Variants in PRR5L observed in about 807,000 individuals in gnomAD.
The protein encoded by PRR5L is proline-rich protein 5-like.
A neutral mutation model predicts 36.4 loss-of-function variants in PRR5L; 21 were observed. That is an observed-to-expected ratio of 0.58 (90% CI 0.41 to 0.83). PRR5L has a LOEUF of 0.83. Among genes scored for constraint, PRR5L ranks in the 40% least tolerant of loss-of-function variants. The pLI is 0.00. For synonymous variants in PRR5L, 188 were observed against 197.0 expected, an observed-to-expected ratio of 0.95 and a Z score of 0.38; for missense variants, 381 against 473.3, an observed-to-expected ratio of 0.80 and a Z score of 1.81.
At chr11:36,324,027 A>T (rs1856637220) in intron 1 of PRR5L, among the ~76,000 whole-genome samples, 1 of 152,154 alleles carries the variant, frequency 6.6e-6, no homozygotes, top group Non-Finnish European at 1.5e-5. Flanking sequence ...ATTATAATTA[A>T]CCATTTATTT....
intron 1 of PRR5L, among the ~76,000 whole-genome samples, chr11:36,335,753 A>G (rs900684904): frequency 1.3e-5 from 2 of 152,212 alleles, no homozygotes; most frequent in African/African-American, 2.4e-5. Context: ...TCAAAAAACC[A>G]TGTTCTCCAT....
chr11:36,450,278 T>C (rs565722163), intron 7 of PRR5L, among the ~76,000 whole-genome samples: 16 of 152,310 alleles, frequency 1.1e-4, no homozygotes, highest in African/African-American at 2.9e-4. Context: ...TAGAGTCTAC[T>C]CCATTTCGAG....
chr11:36,458,847 C>G (rs888714392), intron 8 of PRR5L, among the ~76,000 whole-genome samples: 30 of 152,218 alleles, frequency 2.0e-4, no homozygotes, highest in African/African-American at 6.3e-4. Context: ...AATACTGATA[C>G]CATTGGGCCC....
intron 1 of PRR5L, 49 bp from the exon 2 acceptor site, chr11:36,400,948 G>A: frequency 7.3e-7 from 1 of 1,372,070 alleles, no homozygotes; most frequent in Non-Finnish European, 9.4e-7. Flanking sequence ...TCCTCTAAGA[G>A]GTGTTCTCAG....
At chr11:36,399,828 GGAAA>G (rs1468281897) in intron 1 of PRR5L, among the ~76,000 whole-genome samples, 1 of 152,202 alleles carries the variant, frequency 6.6e-6, no homozygotes, top group East Asian at 1.9e-4. Context: ...AAGGTGTAAA[GGAAA>G]GAAAGAAATT....
In PRR5L at chr11:36,349,654, C is replaced by T. The variant is rs543041022; in HGVS notation, c.-125-51343C>T. 2.3e-3 allele frequency among the ~76,000 whole-genome samples: 347 copies of T among 152,284 alleles called. 1 individual carries two copies. The highest frequency in any genetic ancestry group is 8.2e-3 in the African/African-American group (340 of 41,550). The stretch of plus-strand genomic sequence containing the variant: ...TCACAGTGTGTTTGAGGCACATCTT[C>T]CCCATTCTGTGGCCTAGGTGATGCT... On this transcript the variant is annotated intron_variant, in intron 1 of 8. Coordinates refer to ENST00000530639, the MANE Select transcript of PRR5L (RefSeq NM_001160167.2).
Position 36,401,220 on chromosome 11 carries a change from C to T in PRR5L, c.99C>T (p.Ser33=), listed in dbSNP as rs1346871603. The T allele has an allele frequency of 2.5e-6, 4 of 1,613,788 alleles. No individual in the cohort carries two copies. Among genetic ancestry groups the T allele is most frequent in the Non-Finnish European group, 3.4e-6 (4 of 1,179,986 alleles). Residue 33 remains serine, a synonymous_variant, in exon 2 of 9, where the codon AGC becomes AGT. Transcript: ENST00000530639. ...RPRFMSSPVL[S]DLPRFQAARQ... ...GCTTCATGAGCTCCCCCGTGCTCAG[C>T]GACCTTCCCCGATTCCAAGCAGCTC...
intron 8 of PRR5L, among the ~76,000 whole-genome samples, chr11:36,456,393 G>A (rs112784162): frequency 9.2e-5 from 14 of 152,162 alleles, no homozygotes; most frequent in Non-Finnish European, 8.8e-5. Flanking sequence ...CAGGGATTTT[G>A]TATCCCAGGA....
chr11:36,461,135 T>G (rs1269849827), intron 8 of PRR5L, among the ~76,000 whole-genome samples: 1 of 152,178 alleles, frequency 6.6e-6, no homozygotes, highest in Non-Finnish European at 1.5e-5. Context: ...GAGACAGACC[T>G]TGTTTGAGTC....
At position 36,375,434 on chromosome 11, in the gene PRR5L, G is replaced by A. The variant is rs994052313; in HGVS notation, c.-125-25563G>A. The stretch of plus-strand genomic sequence containing the variant: ...ACCCGCTCTCATGCCCACAACCACC[G>A]TAACACATAGGTTTTGTAGGGTCGC... On this transcript the variant is annotated intron_variant, in intron 1 of 8. Transcript: ENST00000530639. Among the ~76,000 whole-genome samples the A allele has an allele frequency of 3.3e-5, 5 of 152,028 alleles. 1 individual carries two copies. The highest frequency in any genetic ancestry group is 2.9e-5 in the Non-Finnish European group (2 of 68,018).
intron 3 of PRR5L, among the ~76,000 whole-genome samples, chr11:36,404,898 AG>A (rs1460898275): frequency 6.6e-6 from 1 of 152,188 alleles, no homozygotes; most frequent in Non-Finnish European, 1.5e-5. Context: ...GTTGAGTGAC[AG>A]GGGCAAAGTG....
intron 1 of PRR5L, among the ~76,000 whole-genome samples, chr11:36,319,419 A>G (rs1478274681): frequency 6.6e-6 from 1 of 152,206 alleles, no homozygotes; most frequent in African/African-American, 2.4e-5. Context: ...GCGGCACCTG[A>G]CTTTTAATCT....
intron 1 of PRR5L, among the ~76,000 whole-genome samples, chr11:36,363,553 C>G (rs963449995): frequency 9.2e-5 from 14 of 152,214 alleles, no homozygotes; most frequent in African/African-American, 3.4e-4. Context: ...TTTCCCCTTC[C>G]TCCTGACCCG....
chr11:36,392,610 T>C (rs1474461902), intron 1 of PRR5L, among the ~76,000 whole-genome samples: 20 of 152,228 alleles, frequency 1.3e-4, no homozygotes. Context: ...AAGAACTACC[T>C]GAGACTGGGT....
intron 1 of PRR5L, among the ~76,000 whole-genome samples, chr11:36,323,199 C>G (rs1329149691): frequency 1.3e-5 from 2 of 152,180 alleles, no homozygotes; most frequent in East Asian, 3.8e-4. Flanking sequence ...CTACCATCCA[C>G]AGCCCACGGA....
intron 6 of PRR5L, among the ~76,000 whole-genome samples, chr11:36,440,570 A>C (rs1334522410): frequency 1.3e-5 from 2 of 152,164 alleles, no homozygotes; most frequent in African/African-American, 2.4e-5. Context: ...TAATCTGGGG[A>C]AGAAATGAGG....
At position 36,376,224 on chromosome 11, in the gene PRR5L, T is replaced by C. The variant is rs948949034; in HGVS notation, c.-125-24773T>C. 5 of 1,232,764 alleles carry C rather than the reference T, an allele frequency of 4.1e-6. No individual in the cohort carries two copies. The Admixed American group carries it at 1.2e-4, about 31-fold the overall frequency. The allele number at this position is 1,232,764 out of a possible 1,614,324, so 76.4% of individuals were successfully genotyped here. A position where few individuals can be genotyped will look rare whatever the true frequency, so the allele number is the denominator to read the frequency against. On this transcript the variant is annotated intron_variant, in intron 1 of 8. Coordinates refer to ENST00000530639, the MANE Select transcript of PRR5L (RefSeq NM_001160167.2). The stretch of plus-strand genomic sequence containing the variant: ...GAGAGTTGCTGAAGGGGAGGAGGAG[T>C]GAGATGGGGTGAAGTGAGTTGGGGG...
rs183533084 is a variant in PRR5L at position 36,339,724 on chromosome 11, C to T, written c.-126+43286C>T. Among the ~76,000 whole-genome samples, 11 of 152,308 alleles carry T rather than the reference C, an allele frequency of 7.2e-5. No individual in the cohort carries two copies. In the East Asian group the frequency reaches 1.4e-3, roughly 19 times the overall value. Reference sequence around the variant, plus strand: ...ATTCCTGAGCCTAGGCTCTTAGTCACTATGGTAAGAAGGTGACTGGAAAAC... The same window carrying T: ...ATTCCTGAGCCTAGGCTCTTAGTCATTATGGTAAGAAGGTGACTGGAAAAC... On this transcript the variant is annotated intron_variant, in intron 1 of 8. Coordinates refer to ENST00000530639, the MANE Select transcript of PRR5L (RefSeq NM_001160167.2).
At chr11:36,446,211 A>G (rs1211078623) in intron 6 of PRR5L, 89 bp from the exon 7 acceptor site, 39 of 1,457,026 alleles carry the variant, frequency 2.7e-5, no homozygotes, top group Non-Finnish European at 3.5e-5. Flanking sequence ...TTGGTGCTAT[A>G]TAAACATGTG....
Sources: allele counts gnomAD v4.1 joint callset (sites outside exome capture counted in the v4.1 genomes callset), GRCh38; gene constraint gnomAD v4.1.1; transcripts MANE v1.5; gene names NCBI Gene and HGNC (gene_info 2026-07-23, HGNC 2026-07-21).